The following ALDH8A1 variants were observed in gnomAD, a reference collection of about 807,000 sequenced individuals.
The protein encoded by ALDH8A1 is aldehyde dehydrogenase 8 family member A1.
Under a neutral mutation model 43.3 loss-of-function variants are expected in ALDH8A1, and 39 were observed. That is an observed-to-expected ratio of 0.90 (90% CI 0.70 to 1.18). The LOEUF is 1.18. Among genes scored for constraint, ALDH8A1 ranks in the 50% most tolerant of loss-of-function variants. The probability of loss-of-function intolerance (pLI) is 0.00; values close to 1 mark genes in which losing one functional copy is unlikely to be tolerated. For missense variants in ALDH8A1, 605 were observed against 622.6 expected, an observed-to-expected ratio of 0.97 and a Z score of 0.30; for synonymous variants, 233 against 243.5, an observed-to-expected ratio of 0.96 and a Z score of 0.40.
chr6:134,939,485 TA>T, intron 3 of ALDH8A1, 70 bp from the exon 4 acceptor site: 2 of 1,528,914 alleles, frequency 1.3e-6, no homozygotes, highest in Non-Finnish European at 8.8e-7. Flanking sequence ...CAAGTGGGGT[TA>T]TTAACGCAAA....
At chr6:134,933,112 T>C in intron 4 of ALDH8A1, 80 bp from the exon 5 acceptor site, 2 of 1,423,502 alleles carry the variant, frequency 1.4e-6, no homozygotes, top group Non-Finnish European at 1.8e-6. Context: ...TCCTTTAAAG[T>C]CCAATCGCTT....
At chr6:134,936,444 A>T (rs776074409) in intron 4 of ALDH8A1, among the ~76,000 whole-genome samples, 16 of 152,204 alleles carry the variant, frequency 1.1e-4, no homozygotes, top group Non-Finnish European at 2.4e-4. Context: ...GCGACGAAAC[A>T]AGGACAAGTC....
At chr6:134,930,501 G>T (rs1776965437) in intron 5 of ALDH8A1, among the ~76,000 whole-genome samples, 1 of 152,204 alleles carries the variant, frequency 6.6e-6, no homozygotes, top group Admixed American at 6.5e-5. Flanking sequence ...TTTTCACCAT[G>T]TTTGTGTCTG....
chr6:134,940,970 C>T (rs1344466004), intron 3 of ALDH8A1, among the ~76,000 whole-genome samples: 1 of 152,172 alleles, frequency 6.6e-6, no homozygotes, highest in Non-Finnish European at 1.5e-5. Flanking sequence ...TTCCTTTTAG[C>T]TTATATTCAT....
chr6:134,922,874 T>C (rs1562250915), intron 6 of ALDH8A1, among the ~76,000 whole-genome samples: 1 of 152,152 alleles, frequency 6.6e-6, no homozygotes, highest in Non-Finnish European at 1.5e-5. Context: ...AAGTCTTCAG[T>C]TGAGTTGATA....
At chr6:134,922,388 CTTT>C (rs374713593) in intron 6 of ALDH8A1, among the ~76,000 whole-genome samples, 1 of 151,744 alleles carries the variant, frequency 6.6e-6, no homozygotes, top group South Asian at 2.1e-4. Flanking sequence ...CCTTGAATAA[CTTT>C]TTTTTTCTTT....
chr6:134,945,762 C>G (rs563658914), intron 1 of ALDH8A1, among the ~76,000 whole-genome samples: 7 of 152,164 alleles, frequency 4.6e-5, no homozygotes, highest in Non-Finnish European at 2.9e-5. Context: ...TGAGCCTGTG[C>G]TAGCCCTCAT....
intron 6 of ALDH8A1, among the ~76,000 whole-genome samples, chr6:134,925,156 C>A (rs728030): frequency 0.65 from 99,442 of 152,014 alleles, 32,724 homozygotes; most frequent in East Asian, 0.75. Flanking sequence ...GAGGTATTAA[C>A]GATCCATATT....
intron 6 of ALDH8A1, among the ~76,000 whole-genome samples, chr6:134,920,764 G>T (rs1331562620): frequency 9.9e-5 from 15 of 152,250 alleles, no homozygotes; most frequent in African/African-American, 3.6e-4. Context: ...AAAAAACCAT[G>T]ACTAGTAATA....
intron 6 of ALDH8A1, among the ~76,000 whole-genome samples, chr6:134,922,554 A>G (rs1776821644): frequency 6.6e-6 from 1 of 151,634 alleles, no homozygotes; most frequent in Non-Finnish European, 1.5e-5. Flanking sequence ...CGCCTGGCTA[A>G]TTTTTGTATT....
chr6:134,929,361 G>T, intron 5 of ALDH8A1, 146 bp from the exon 6 acceptor site: 3 of 700,084 alleles, frequency 4.3e-6, no homozygotes, highest in African/African-American at 1.8e-5. Flanking sequence ...CCACCATGTG[G>T]AACACATAGT....
chr6:134,930,344 G>A (rs1776962517), intron 5 of ALDH8A1, among the ~76,000 whole-genome samples: 1 of 152,184 alleles, frequency 6.6e-6, no homozygotes, highest in Non-Finnish European at 1.5e-5. Flanking sequence ...AGTGTACAGG[G>A]GAGGGGTTAT....
At chr6:134,920,359 G>T (rs528743743) in intron 6 of ALDH8A1, among the ~76,000 whole-genome samples, 32 of 152,098 alleles carry the variant, frequency 2.1e-4, no homozygotes, top group Middle Eastern at 6.8e-3. Context: ...CTCTTGATCC[G>T]TACCCTCTTT....
In ALDH8A1 at chr6:134,939,364, A is replaced by G. The variant is rs755804167; in HGVS notation, c.494T>C (p.Ile165Thr). Residue 165 changes from isoleucine to threonine, a missense_variant, in exon 4 of 7, where the codon ATA becomes ACA. Transcript: ENST00000265605. ...NLPLYLLTWKIAPAMAAGNTV... is the reference protein window; with the variant it reads ...NLPLYLLTWKTAPAMAAGNTV... The stretch of plus-strand genomic sequence containing the variant: ...GTTCCCTGCAGCCATCGCTGGAGCT[A>G]TCTTCCAGGTCAGCAAGTAGAGTGG... 1 of 1,614,092 alleles carries G rather than the reference A, an allele frequency of 6.2e-7. No individual in the cohort carries two copies. The highest frequency in any genetic ancestry group is 1.3e-5 in the African/African-American group (1 of 74,944).
rs760326182 is a variant in ALDH8A1 at position 134,918,904 on chromosome 6, C to A, written c.1012-37G>T. On this transcript the variant is annotated intron_variant, in intron 6 of 6. Transcript: ENST00000265605. ...AAAATCATAATTAGCAATGTCTTAC[C>A]ATGTGGCTTCACACAAATCAGCAGA... The A allele has an allele frequency of 1.9e-6, 3 of 1,589,806 alleles. No homozygotes were observed. In the African/African-American group the frequency reaches 4.0e-5, roughly 21 times the overall value.
intron 3 of ALDH8A1, among the ~76,000 whole-genome samples, chr6:134,939,933 G>A (rs1773823994): frequency 6.6e-6 from 1 of 152,228 alleles, no homozygotes; most frequent in Non-Finnish European, 1.5e-5. Flanking sequence ...GCACATGGAT[G>A]AAGGTGGAAG....
intron 1 of ALDH8A1, 56 bp from the exon 2 acceptor site, chr6:134,944,022 T>G: frequency 6.4e-7 from 1 of 1,557,044 alleles, no homozygotes; most frequent in Admixed American, 2.0e-5. Flanking sequence ...CCTTGGGGGA[T>G]GGACAAAACC....
At chr6:134,923,340 A>T (rs1220062297) in intron 6 of ALDH8A1, among the ~76,000 whole-genome samples, 1 of 131,346 alleles carries the variant, frequency 7.6e-6, no homozygotes, top group African/African-American at 4.2e-5. Flanking sequence ...AAGGTTTATT[A>T]AAAAAAAAAG....
chr6:134,942,318 C>G, intron 3 of ALDH8A1, 91 bp downstream of exon 3: 1 of 1,400,590 alleles, frequency 7.1e-7, no homozygotes, highest in South Asian at 1.7e-5. Flanking sequence ...TCTTCCTTTT[C>G]TTTAACCTGT....
Sources: allele counts gnomAD v4.1 joint callset (sites outside exome capture counted in the v4.1 genomes callset), GRCh38; gene constraint gnomAD v4.1.1; transcripts MANE v1.5; gene names NCBI Gene and HGNC (gene_info 2026-07-23, HGNC 2026-07-21).